RNF216: variants seen among roughly 807,000 people sequenced by gnomAD.
RNF216 encodes the protein ring finger protein 216.
Under a neutral mutation model 110.8 loss-of-function variants are expected in RNF216, and 72 were observed. The ratio of observed to expected loss-of-function variants is 0.65; its 90% CI spans 0.54 to 0.79. The LOEUF (loss-of-function observed/expected upper bound fraction) is 0.79. RNF216 is among the 30% of genes least tolerant of loss of function. The probability of loss-of-function intolerance (pLI) is 0.00; values close to 1 mark genes in which losing one functional copy is unlikely to be tolerated. For synonymous variants in RNF216, 495 were observed against 407.5 expected, an observed-to-expected ratio of 1.21 and a Z score of -2.59; for missense variants, 1,342 against 1,141.2, an observed-to-expected ratio of 1.18 and a Z score of -2.54.
chr7:5,670,667 G>T (rs573871219), intron 13 of RNF216, among the ~76,000 whole-genome samples: 45 of 152,036 alleles, frequency 3.0e-4, no homozygotes, highest in Non-Finnish European at 5.4e-4. Context: ...ACAACCTAAG[G>T]TGACCTTTGG....
chr7:5,736,059 C>T (rs1794377477), intron 5 of RNF216, among the ~76,000 whole-genome samples: 1 of 152,208 alleles, frequency 6.6e-6, no homozygotes, highest in Non-Finnish European at 1.5e-5. Context: ...CACCACTGCA[C>T]TCTAGCCTAG....
intron 13 of RNF216, among the ~76,000 whole-genome samples, chr7:5,678,596 T>A (rs1790454269): frequency 1.3e-5 from 2 of 152,264 alleles, no homozygotes; most frequent in African/African-American, 4.8e-5. Context: ...AGCTTCCCTA[T>A]CTATAAAAGG....
intron 14 of RNF216, among the ~76,000 whole-genome samples, chr7:5,646,945 G>A (rs141130903): frequency 4.4e-4 from 67 of 152,260 alleles, no homozygotes; most frequent in African/African-American, 1.6e-3. Flanking sequence ...CTAGGGTCTT[G>A]GGTTTTTCTG....
chr7:5,622,913 G>C lies in RNF216; in HGVS notation c.2719C>G (p.Leu907Val), dbSNP rs143677963. The change falls in exon 17 of 17, where the codon CTG becomes GTG. Residue 907 changes from leucine (L) to valine (V), a missense_variant. Leu to Val is a conservative substitution (Grantham distance 32). Transcript: ENST00000389902. ...NYDFGPIHMPLEHNLPMHFGP... is the reference protein window; with the variant it reads ...NYDFGPIHMPVEHNLPMHFGP... ...AAGTGCATGGGCAGGTTGTGCTCCA[G>C]GGGCATGTGGATGGGACCGAAGTCA... The C allele has an allele frequency of 1.0e-4, 162 of 1,613,080 alleles. 1 individual carries two copies. In the African/African-American group the frequency reaches 2.0e-3, roughly 20 times the overall value.
chr7:5,626,485 G>A (rs1281642172), intron 15 of RNF216, among the ~76,000 whole-genome samples: 2 of 151,890 alleles, frequency 1.3e-5, no homozygotes, highest in Non-Finnish European at 2.9e-5. Flanking sequence ...CCAGAAAACT[G>A]GTGGGAGGAT....
intron 3 of RNF216, among the ~76,000 whole-genome samples, chr7:5,749,557 T>C (rs1269245931): frequency 2.0e-5 from 3 of 152,300 alleles, no homozygotes; most frequent in African/African-American, 7.2e-5. Context: ...ATAACTAAAT[T>C]TCCTTGTCAA....
intron 11 of RNF216, among the ~76,000 whole-genome samples, chr7:5,713,743 T>C (rs376754159): frequency 5.9e-5 from 9 of 152,132 alleles, no homozygotes; most frequent in South Asian, 2.1e-4. Context: ...AGAAAACAAA[T>C]GGAAAAAGAC....
intron 7 of RNF216, among the ~76,000 whole-genome samples, chr7:5,728,298 G>C (rs1416298640): frequency 6.7e-6 from 1 of 150,112 alleles, no homozygotes; most frequent in Non-Finnish European, 1.5e-5. Flanking sequence ...CTTTTTTTTT[G>C]GCCAGGCACG....
At chr7:5,634,318 G>C (rs1787264274) in intron 15 of RNF216, among the ~76,000 whole-genome samples, 1 of 152,184 alleles carries the variant, frequency 6.6e-6, no homozygotes, top group Non-Finnish European at 1.5e-5. Flanking sequence ...GGGTGGGTTG[G>C]GGCTGGGATC....
intron 4 of RNF216, 38 bp from the exon 5 acceptor site, chr7:5,739,390 C>G: frequency 6.4e-7 from 1 of 1,566,438 alleles, no homozygotes; most frequent in Admixed American, 1.9e-5. Flanking sequence ...ATTTCATTCA[C>G]TAGAATGGTT....
chr7:5,776,296 G>C (rs1236694742), intron 1 of RNF216, among the ~76,000 whole-genome samples: 2 of 151,900 alleles, frequency 1.3e-5, no homozygotes, highest in Non-Finnish European at 1.5e-5. Context: ...GTAATAAAGA[G>C]ACTATAGCCG....
chr7:5,735,214 T>A (rs1421610049), intron 5 of RNF216, among the ~76,000 whole-genome samples: 1 of 152,148 alleles, frequency 6.6e-6, no homozygotes, highest in Non-Finnish European at 1.5e-5. Context: ...CTAAAGTCGT[T>A]TCAAACTGAC....
chr7:5,688,728 AT>A (rs201872284), intron 13 of RNF216, among the ~76,000 whole-genome samples: 21 of 150,996 alleles, frequency 1.4e-4, no homozygotes, highest in Admixed American at 1.1e-3. Context: ...GGCTTGTCTT[AT>A]TTTTTTTTGG....
intron 9 of RNF216, among the ~76,000 whole-genome samples, 198 bp from the exon 10 acceptor site, chr7:5,716,964 A>C (rs1193710960): frequency 6.6e-6 from 1 of 152,262 alleles, no homozygotes; most frequent in African/African-American, 2.4e-5. Context: ...TTTCTTAAGT[A>C]TGACTCAAAA....
intron 4 of RNF216, chr7:5,739,622 C>T (rs769737942): frequency 1.8e-6 from 1 of 542,800 alleles, no homozygotes; most frequent in South Asian, 1.5e-5. Context: ...TTGAGCATCT[C>T]TGTCTAGACA....
At chr7:5,636,380 G>T (rs1787397113) in intron 15 of RNF216, among the ~76,000 whole-genome samples, 1 of 152,202 alleles carries the variant, frequency 6.6e-6, no homozygotes, top group South Asian at 2.1e-4. Flanking sequence ...AACAGAGAAA[G>T]AAAGTTACTG....
chr7:5,771,255 A>C (rs1288553081), intron 1 of RNF216, among the ~76,000 whole-genome samples: 1 of 152,204 alleles, frequency 6.6e-6, no homozygotes, highest in Non-Finnish European at 1.5e-5. Context: ...CCTTACACAA[A>C]AACAATTTTA....
intron 5 of RNF216, among the ~76,000 whole-genome samples, chr7:5,736,243 G>A (rs1401886223): frequency 3.9e-5 from 6 of 152,140 alleles, no homozygotes; most frequent in Admixed American, 2.0e-4. Context: ...TCAGCCTGCC[G>A]AGTGCCTGTG....
chr7:5,658,363 A>G (rs1284977951), intron 13 of RNF216, among the ~76,000 whole-genome samples: 1 of 152,246 alleles, frequency 6.6e-6, no homozygotes, highest in Non-Finnish European at 1.5e-5. Context: ...CTCATTAAAT[A>G]AAATTATTTT....
Sources: gnomAD v4.1 joint callset for allele counts (sites outside exome capture counted in the v4.1 genomes callset) on GRCh38, gnomAD v4.1.1 for gene constraint, MANE v1.5 for transcripts, NCBI Gene and HGNC (gene_info 2026-07-23, HGNC 2026-07-21) for gene names.